The following RCC1 variants were observed in gnomAD, a reference collection of about 807,000 sequenced individuals.
RCC1 encodes regulator of chromosome condensation.
In RCC1, 11 loss-of-function variants were observed where a neutral mutation model predicts 44.4. The ratio of observed to expected loss-of-function variants is 0.25; its 90% CI spans 0.16 to 0.41. The LOEUF (loss-of-function observed/expected upper bound fraction) is 0.41, where lower values mean the gene tolerates loss of function less well. Ranked by LOEUF, RCC1 falls within the 10% of genes least tolerant of loss-of-function variation. The probability of loss-of-function intolerance (pLI) is 1.00; values close to 1 mark genes in which losing one functional copy is unlikely to be tolerated. For synonymous variants in RCC1, 213 were observed against 216.5 expected (o/e 0.98, Z 0.14); for missense variants, 386 against 547.1 (o/e 0.71, Z 2.94).
At chr1:28,530,558 G>A (rs779465868) in intron 5 of RCC1, 15 of 1,606,022 alleles carry the variant, frequency 9.3e-6, no homozygotes, top group Non-Finnish European at 1.3e-5. Flanking sequence ...CGTTCCTGGC[G>A]CCCGCTCCTG....
At chr1:28,507,609 T>TC (rs1662101070) in intron 1 of RCC1, 1 of 478,372 alleles carries the variant, frequency 2.1e-6, no homozygotes, top group Non-Finnish European at 4.1e-6. Context: ...TCTTTTTTTT[T>TC]TTTTTTTTTT....
rs954760777 is a variant in RCC1, at chr1:28,506,071, G to A, written c.-275G>A. 1 of 455,914 alleles carries A rather than the reference G, an allele frequency of 2.2e-6. No individual in the cohort carries two copies. Among genetic ancestry groups the A allele is most frequent in the Non-Finnish European group, 4.4e-6 (1 of 226,794 alleles). The allele number at this position is 455,914 out of a possible 1,614,324, so 28.2% of individuals were successfully genotyped here. A position where few individuals can be genotyped will look rare whatever the true frequency, so the allele number is the denominator to read the frequency against. ...TTTTGGAGACAGATTCGCAGTGGTC[G>A]CTTCTTCTCCTTGGTAAGTGTGATC... On this transcript the variant is annotated 5_prime_UTR_variant, in exon 1 of 13. Transcript: ENST00000683442.
intron 4 of RCC1, among the ~76,000 whole-genome samples, chr1:28,527,939 G>GTAGA (rs1663783952): frequency 6.7e-6 from 1 of 150,312 alleles, no homozygotes; most frequent in South Asian, 2.1e-4. Context: ...AACCTGGGAG[G>GTAGA]TAGAGGTTGT....
intron 1 of RCC1, chr1:28,507,526 G>A (rs551147074): frequency 9.6e-6 from 5 of 518,298 alleles, no homozygotes; most frequent in African/African-American, 1.9e-5. Flanking sequence ...GCTTCCCAGA[G>A]TCCTGTCGAC....
chr1:28,525,924 TCTC>T (rs2124640382), intron 4 of RCC1, among the ~76,000 whole-genome samples: 1 of 152,194 alleles, frequency 6.6e-6, no homozygotes, highest in East Asian at 1.9e-4. Flanking sequence ...CTCTTGGAGT[TCTC>T]CTTCCCTTCG....
intron 4 of RCC1, among the ~76,000 whole-genome samples, chr1:28,523,908 C>T (rs1366653605): frequency 6.6e-6 from 1 of 152,174 alleles, no homozygotes; most frequent in African/African-American, 2.4e-5. Flanking sequence ...CCTCCACTTC[C>T]TGGGTTCAAG....
At chr1:28,514,220 G>A (rs1036455187) in intron 3 of RCC1, among the ~76,000 whole-genome samples, 1 of 151,830 alleles carries the variant, frequency 6.6e-6, no homozygotes, top group African/African-American at 2.4e-5. Context: ...GGAGGCCGAG[G>A]CGGGCGGATC....
chr1:28,529,163 G>A (rs920060316), intron 4 of RCC1, among the ~76,000 whole-genome samples: 44 of 143,554 alleles, frequency 3.1e-4, no homozygotes, highest in African/African-American at 8.9e-4. Context: ...GATTACAGGC[G>A]TGAGCCACCG....
At position 28,516,773 on chromosome 1, in the gene RCC1, GA is replaced by G; in HGVS notation, c.-103del. The G allele has an allele frequency of 2.9e-5, 13 of 455,536 alleles. No individual in the cohort carries two copies. The highest frequency in any genetic ancestry group is 5.7e-5 in the Non-Finnish European group (13 of 226,464). The allele number at this position is 455,536 out of a possible 1,614,324, so 28.2% of individuals were successfully genotyped here. On this transcript the variant is annotated 5_prime_UTR_variant, in exon 4 of 13. It removes the in-frame stop codon of an upstream open reading frame in the 5' UTR. Transcript: ENST00000683442. ...GAGGAAGACAGCAGAGAGAGAGAGA[GA>G]GATCAGAGATCCCAGGGTTAAAAGT...
At chr1:28,527,651 T>C (rs1047578665) in intron 4 of RCC1, among the ~76,000 whole-genome samples, 2 of 152,228 alleles carry the variant, frequency 1.3e-5, no homozygotes, top group Admixed American at 1.3e-4. Context: ...AATGGAGTTA[T>C]GATGGATATT....
chr1:28,519,114 T>A (rs902218539), intron 4 of RCC1, among the ~76,000 whole-genome samples: 2 of 152,106 alleles, frequency 1.3e-5, no homozygotes, highest in Non-Finnish European at 2.9e-5. Context: ...GTGAAGTGAC[T>A]CTTGAATGGG....
chr1:28,530,681 C>T (rs1409779681), intron 5 of RCC1: 3 of 1,352,582 alleles, frequency 2.2e-6, no homozygotes, highest in African/African-American at 1.5e-5. Context: ...GCCACATCCT[C>T]GGGGGAGGGG....
chr1:28,529,965 G>T (rs374624306), intron 5 of RCC1, 26 bp downstream of exon 5: 1 of 1,589,964 alleles, frequency 6.3e-7, no homozygotes, highest in Non-Finnish European at 8.6e-7. Context: ...CCTCTTTGTG[G>T]GTACAGGTGG....
intron 4 of RCC1, chr1:28,526,747 T>C (rs1445291449): frequency 3.8e-6 from 2 of 532,646 alleles, no homozygotes; most frequent in East Asian, 3.1e-5. Context: ...AATACAAAAA[T>C]TAGCCAGGCG....
chr1:28,508,921 T>TA lies in RCC1; in HGVS notation c.-153+16_-153+17insA, dbSNP rs1420685220. The TA allele has an allele frequency of 2.0e-6, 1 of 508,496 alleles. No homozygotes were observed. 31.5% of individuals were successfully genotyped at this position (508,496 alleles called of 1,614,324 possible). Reference sequence around the variant, plus strand: ...GGGAGAGTAGGTAAACTGATTTTTTTTTTTAACAGGGAGGGTTTGACAATC... The same window carrying TA: ...GGGAGAGTAGGTAAACTGATTTTTTTATTTTAACAGGGAGGGTTTGACAATC... On this transcript the variant is annotated intron_variant, in intron 3 of 12. Coordinates refer to ENST00000683442, the MANE Select transcript of RCC1 (RefSeq NM_001381865.2).
At chr1:28,528,940 G>A (rs143902517) in intron 4 of RCC1, among the ~76,000 whole-genome samples, 12 of 133,068 alleles carry the variant, frequency 9.0e-5, no homozygotes, top group African/African-American at 2.6e-4. Flanking sequence ...TTGGCTCACC[G>A]CAACCTCCAC....
At chr1:28,507,386 A>T (rs749008821) in intron 1 of RCC1, 1 of 519,122 alleles carries the variant, frequency 1.9e-6, no homozygotes, top group Admixed American at 1.9e-5. Context: ...TACACCCGGG[A>T]GGTCACTCTC....
At position 28,536,792 on chromosome 1, in the gene RCC1, T is replaced by G. The variant is rs1557881629; in HGVS notation, c.983T>G (p.Leu328Arg). ...LGRAEYGRLG[L>R]GEGAEEKSIP... is the part of the protein sequence containing the mutation. Reference sequence around the variant, plus strand: ...CGGGCTGAGTATGGGCGGCTGGGCCTTGGAGAGGGTGCTGAGGAGAAGAGC... The same window carrying G: ...CGGGCTGAGTATGGGCGGCTGGGCCGTGGAGAGGGTGCTGAGGAGAAGAGC... The change falls in exon 12 of 13, where the codon CTT becomes CGT. Residue 328 changes from leucine (L) to arginine (R), a missense_variant. By Grantham distance (102) the Leu-to-Arg change is moderately radical. Coordinates refer to ENST00000683442, the MANE Select transcript of RCC1 (RefSeq NM_001381865.2). The surrounding 1 kb of genome is among the most constrained non-coding windows in gnomAD (Gnocchi z 4.9). The G allele has an allele frequency of 6.2e-7, 1 of 1,614,138 alleles. No homozygotes were observed. Among genetic ancestry groups the G allele is most frequent in the Non-Finnish European group, 8.5e-7 (1 of 1,180,030 alleles).
At chr1:28,513,852 T>C (rs1285828065) in intron 3 of RCC1, among the ~76,000 whole-genome samples, 1 of 152,180 alleles carries the variant, frequency 6.6e-6, no homozygotes, top group Non-Finnish European at 1.5e-5. Flanking sequence ...CCCAAAGTGC[T>C]AGGAATACAG....
Sources: gnomAD v4.1 joint callset for allele counts (sites outside exome capture counted in the v4.1 genomes callset) on GRCh38, gnomAD v4.1.1 for gene constraint, Gnocchi (gnomAD v3.1) non-coding constraint, MANE v1.5 for transcripts, NCBI Gene and HGNC (gene_info 2026-07-23, HGNC 2026-07-21) for gene names.